The following DLGAP1 variants were observed in gnomAD, a reference collection of about 807,000 sequenced individuals.
The protein encoded by DLGAP1 is DLG associated protein 1.
Under a neutral mutation model 90.8 loss-of-function variants are expected in DLGAP1, and 11 were observed. The observed-to-expected ratio is 0.12, with a 90% CI of 0.08 to 0.20. DLGAP1 has a LOEUF of 0.20. Ranked by LOEUF, DLGAP1 falls within the 10% of genes least tolerant of loss-of-function variation. The pLI is 1.00. For synonymous variants in DLGAP1, 558 were observed against 540.7 expected, an observed-to-expected ratio of 1.03 and a Z score of -0.44; for missense variants, 1,050 against 1,333.8, an observed-to-expected ratio of 0.79 and a Z score of 3.31.
At chr18:4,264,776 C>G (rs2079071270) in intron 1 of DLGAP1, 1 of 152,278 alleles carries the variant, frequency 6.6e-6, no homozygotes, top group East Asian at 1.9e-4. Context: ...TTTTAATGTT[C>G]CAGACTAATT....
chr18:3,845,229 T>TA, intron 4 of DLGAP1: 1 of 1,612,942 alleles, frequency 6.2e-7, no homozygotes, highest in Non-Finnish European at 8.5e-7. Context: ...GCTATTAGCT[T>TA]ACCTTATTAG....
chr18:4,435,921 C>G (rs1382572734), intron 1 of DLGAP1, among the ~76,000 whole-genome samples: 2 of 152,134 alleles, frequency 1.3e-5, no homozygotes, highest in African/African-American at 4.8e-5. Context: ...CTTAGGGACT[C>G]AAACCTAAGC....
intron 1 of DLGAP1, among the ~76,000 whole-genome samples, chr18:4,168,017 A>C (rs1171856358): frequency 6.6e-6 from 1 of 152,178 alleles, no homozygotes; most frequent in Non-Finnish European, 1.5e-5. Flanking sequence ...TTCTACCCAA[A>C]CTGATCTATA....
intron 3 of DLGAP1, among the ~76,000 whole-genome samples, chr18:3,907,035 A>C (rs115835354): frequency 6.6e-6 from 1 of 152,326 alleles, no homozygotes; most frequent in Non-Finnish European, 1.5e-5. Context: ...TAATCTAGAG[A>C]TGATTTAAAG....
intron 2 of DLGAP1, among the ~76,000 whole-genome samples, chr18:4,113,674 G>A (rs1277359311): frequency 1.3e-5 from 2 of 151,946 alleles, no homozygotes; most frequent in African/African-American, 2.4e-5. Context: ...GAACTTAGTC[G>A]TAAATTCTTT....
chr18:3,951,732 G>A (rs2072989597), intron 3 of DLGAP1, among the ~76,000 whole-genome samples: 1 of 152,158 alleles, frequency 6.6e-6, no homozygotes, highest in Non-Finnish European at 1.5e-5. Context: ...CTCCATGATA[G>A]TGAGCAAGTT....
At chr18:4,021,983 T>C (rs746424836) in intron 2 of DLGAP1, among the ~76,000 whole-genome samples, 3 of 152,128 alleles carry the variant, frequency 2.0e-5, no homozygotes, top group Non-Finnish European at 2.9e-5. Context: ...GCAGTAACTG[T>C]AAGGAGGTAT....
At chr18:4,161,738 T>C (rs1807661340) in intron 1 of DLGAP1, among the ~76,000 whole-genome samples, 1 of 152,208 alleles carries the variant, frequency 6.6e-6, no homozygotes, top group South Asian at 2.1e-4. Flanking sequence ...TGCCACAAAA[T>C]GTAACTCTGT....
chr18:4,042,607 G>T (rs920752441), intron 2 of DLGAP1, among the ~76,000 whole-genome samples: 2 of 152,186 alleles, frequency 1.3e-5, no homozygotes, highest in Admixed American at 1.3e-4. Flanking sequence ...GTCAGGGGTG[G>T]CGTGCGCCTG....
intron 3 of DLGAP1, among the ~76,000 whole-genome samples, chr18:3,997,660 T>C (rs1460218989): frequency 1.3e-5 from 2 of 151,978 alleles, no homozygotes; most frequent in African/African-American, 4.8e-5. Context: ...GCCACAAATA[T>C]AATTTAAAAT....
intron 9 of DLGAP1, among the ~76,000 whole-genome samples, chr18:3,551,065 A>G (rs553817429): frequency 6.6e-6 from 1 of 151,972 alleles, no homozygotes; most frequent in East Asian, 1.9e-4. Context: ...TTATGCCTCT[A>G]GCCTCCAAAC....
chr18:4,386,152 C>T (rs2082225836), intron 1 of DLGAP1, among the ~76,000 whole-genome samples: 1 of 152,112 alleles, frequency 6.6e-6, no homozygotes, highest in Admixed American at 6.6e-5. Context: ...GCTATGACTT[C>T]TTCTTATGTC....
At chr18:4,123,585 A>G (rs2076187287) in intron 2 of DLGAP1, among the ~76,000 whole-genome samples, 1 of 152,206 alleles carries the variant, frequency 6.6e-6, no homozygotes, top group Admixed American at 6.5e-5. Context: ...GGGCAGAACA[A>G]TTAGAAATGC....
At chr18:4,289,268 G>A (rs79164612) in intron 1 of DLGAP1, among the ~76,000 whole-genome samples, 4,606 of 152,224 alleles carry the variant, frequency 0.03, 156 homozygotes, top group African/African-American at 0.085. Context: ...AGCATTCTGC[G>A]AAGGGTGAAT....
At chr18:4,396,895 C>A (rs946823865) in intron 1 of DLGAP1, among the ~76,000 whole-genome samples, 1 of 152,124 alleles carries the variant, frequency 6.6e-6, no homozygotes, top group Admixed American at 6.5e-5. Flanking sequence ...GCTCTCTAAG[C>A]TAATTAGAAT....
chr18:4,267,261 A>G (rs564093096), intron 1 of DLGAP1, among the ~76,000 whole-genome samples: 3 of 152,130 alleles, frequency 2.0e-5, no homozygotes, highest in East Asian at 3.9e-4. Context: ...TACTGTGATT[A>G]ATGCTATGTC....
intron 3 of DLGAP1, among the ~76,000 whole-genome samples, chr18:3,957,769 ATCTTAGTCATTCATCTCTCTTG>A (rs1348995704): frequency 6.6e-6 from 1 of 152,040 alleles, no homozygotes; most frequent in Non-Finnish European, 1.5e-5. Context: ...AGGAATTTCT[ATCTTAGTCATTCATCTCTCTTG>A]CATATTAAAT....
chr18:4,006,497 G>T (rs78573002), intron 2 of DLGAP1, among the ~76,000 whole-genome samples: 29 of 150,390 alleles, frequency 1.9e-4, no homozygotes, highest in African/African-American at 6.8e-4. Flanking sequence ...AAGAACAGAG[G>T]TCACTCTAAG....
chr18:3,730,209 C>G (rs2147472954), intron 6 of DLGAP1, among the ~76,000 whole-genome samples: 1 of 152,274 alleles, frequency 6.6e-6, no homozygotes, highest in East Asian at 1.9e-4. Context: ...GGCCTGATTG[C>G]ACCACTGCAT....
Sources: allele counts gnomAD v4.1 joint callset (sites outside exome capture counted in the v4.1 genomes callset), GRCh38; gene constraint gnomAD v4.1.1; transcripts MANE v1.5; gene names NCBI Gene and HGNC (gene_info 2026-07-23, HGNC 2026-07-21).